Variants in DCUN1D1 observed in about 807,000 individuals in gnomAD.
The protein encoded by DCUN1D1 is defective in cullin neddylation 1 domain containing 1, also known as DCN1-like protein 1.
Under a neutral mutation model 39.0 loss-of-function variants are expected in DCUN1D1, and 3 were observed. The ratio of observed to expected loss-of-function variants is 0.08; its 90% CI spans 0.04 to 0.20. DCUN1D1 has a LOEUF of 0.20. Ranked by LOEUF, DCUN1D1 falls within the 10% of genes least tolerant of loss-of-function variation. The pLI is 1.00. For synonymous variants in DCUN1D1, 82 were observed against 96.3 expected (o/e 0.85, Z 0.87); for missense variants, 158 against 302.4 (o/e 0.52, Z 3.54).
chr3:182,962,538 T>C (rs191797670), intron 3 of DCUN1D1, among the ~76,000 whole-genome samples: 3 of 152,274 alleles, frequency 2.0e-5, no homozygotes, highest in Non-Finnish European at 2.9e-5. Context: ...GGCAGTTTTT[T>C]CACCAGCATC....
Position 182,940,462 on chromosome 3 carries a change from T to C in DCUN1D1, c.*4632A>G, listed in dbSNP as rs980946139. ...TTCAAAGCAGTGCTGCCTTCAGTGA[T>C]TAAGCTGGCATGAATTTCAGTCTGA... On this transcript the variant is annotated 3_prime_UTR_variant, in exon 7 of 7. Coordinates refer to ENST00000292782, the MANE Select transcript of DCUN1D1 (RefSeq NM_020640.4). The C allele has an allele frequency of 6.6e-6, 1 of 152,178 alleles. No homozygotes were observed. The highest frequency in any genetic ancestry group is 1.5e-5 in the Non-Finnish European group (1 of 68,022). The allele number at this position is 152,178 out of a possible 1,614,324, so 9.4% of individuals were successfully genotyped here. A position where few individuals can be genotyped will look rare whatever the true frequency, so the allele number is the denominator to read the frequency against.
chr3:182,961,169 C>CT, intron 4 of DCUN1D1, 57 bp downstream of exon 4: 1 of 1,190,456 alleles, frequency 8.4e-7, no homozygotes, highest in Non-Finnish European at 1.2e-6. Context: ...AAAAACGACA[C>CT]TGTCAATGTA....
intron 4 of DCUN1D1, among the ~76,000 whole-genome samples, chr3:182,948,115 A>G (rs1726511153): frequency 6.6e-6 from 1 of 152,166 alleles, no homozygotes; most frequent in Admixed American, 6.5e-5. Context: ...AAATGTCTCC[A>G]TATATTGCCA....
chr3:182,975,214 T>C (rs1453647821), intron 1 of DCUN1D1, among the ~76,000 whole-genome samples: 3 of 150,928 alleles, frequency 2.0e-5, no homozygotes, highest in African/African-American at 4.9e-5. Context: ...TCCCGCTCTG[T>C]CGCCCAGGCT....
intron 4 of DCUN1D1, among the ~76,000 whole-genome samples, chr3:182,948,470 G>C (rs1726531113): frequency 6.6e-6 from 1 of 151,898 alleles, no homozygotes; most frequent in African/African-American, 2.4e-5. Context: ...TCACACAACA[G>C]AGAACTACGC....
chr3:182,975,741 G>A (rs1287055305), intron 1 of DCUN1D1, among the ~76,000 whole-genome samples: 1 of 150,122 alleles, frequency 6.7e-6, no homozygotes, highest in African/African-American at 2.5e-5. Flanking sequence ...GTAGGTGAGG[G>A]TCAGGGGGAG....
intron 1 of DCUN1D1, among the ~76,000 whole-genome samples, chr3:182,974,333 T>C (rs1728099900): frequency 6.6e-6 from 1 of 152,202 alleles, no homozygotes; most frequent in African/African-American, 2.4e-5. Context: ...AATACCTGGA[T>C]TAGTCATCAT....
chr3:182,940,159 C>T lies in DCUN1D1; in HGVS notation c.*4935G>A, dbSNP rs1051028895. 6.6e-6 allele frequency: 1 copy of T among 152,064 alleles called. No individual in the cohort carries two copies. Among genetic ancestry groups the T allele is most frequent in the African/African-American group, 2.4e-5 (1 of 41,408 alleles). 9.4% of individuals were successfully genotyped at this position (152,064 alleles called of 1,614,324 possible). On this transcript the variant is annotated 3_prime_UTR_variant, in exon 7 of 7. Coordinates refer to ENST00000292782, the MANE Select transcript of DCUN1D1 (RefSeq NM_020640.4). Reference sequence around the variant, plus strand: ...ATTGGTCTTCCCCCAACCTTATGCCCTATAGTATTTCTTTTTGTAAAAATC... The same window carrying T: ...ATTGGTCTTCCCCCAACCTTATGCCTTATAGTATTTCTTTTTGTAAAAATC...
At chr3:182,956,332 C>T (rs575857895) in intron 4 of DCUN1D1, 8 of 247,224 alleles carry the variant, frequency 3.2e-5, no homozygotes, top group Admixed American at 3.1e-4. Flanking sequence ...TCACCCCTCA[C>T]TGGGAGCAGG....
At chr3:182,945,209 G>C in intron 6 of DCUN1D1, 36 bp from the exon 7 acceptor site, 1 of 1,524,318 alleles carries the variant, frequency 6.6e-7, no homozygotes, top group South Asian at 1.2e-5. Flanking sequence ...AAAGAGAAGG[G>C]GGAAAAAAGC....
intron 2 of DCUN1D1, 67 bp from the exon 3 acceptor site, chr3:182,964,116 G>T (rs1443161466): frequency 1.4e-6 from 2 of 1,389,150 alleles, no homozygotes; most frequent in Non-Finnish European, 2.0e-6. Context: ...ACTGAAAAAG[G>T]TAATGCTTTA....
chr3:182,963,085 T>A (rs1727486899), intron 3 of DCUN1D1, among the ~76,000 whole-genome samples: 1 of 152,148 alleles, frequency 6.6e-6, no homozygotes, highest in African/African-American at 2.4e-5. Flanking sequence ...TAGCCCCTGG[T>A]GTGGTTTTTG....
rs926200873 is a variant in DCUN1D1, at chr3:182,980,090, C to A, written c.3+397G>T. 11 of 927,812 alleles carry A rather than the reference C, an allele frequency of 1.2e-5. No individual in the cohort carries two copies. The South Asian group carries it at 4.9e-4, about 42-fold the overall frequency. The allele number at this position is 927,812 out of a possible 1,614,324, so 57.5% of individuals were successfully genotyped here. A position where few individuals can be genotyped will look rare whatever the true frequency, so the allele number is the denominator to read the frequency against. ...AGGCTACTCACCCGGAACCCCAGAC[C>A]CCAGTCCCCGACCAGACACAATGGA... On this transcript the variant is annotated intron_variant, in intron 1 of 6. Transcript: ENST00000292782.
chr3:182,979,819 G>C (rs1466023217), intron 1 of DCUN1D1, among the ~76,000 whole-genome samples: 3 of 151,954 alleles, frequency 2.0e-5, no homozygotes, highest in Non-Finnish European at 4.4e-5. Flanking sequence ...AGTCTCCCAT[G>C]TTTTCAGTAG....
intron 4 of DCUN1D1, among the ~76,000 whole-genome samples, chr3:182,951,999 A>C (rs1174065403): frequency 6.6e-6 from 1 of 152,126 alleles, no homozygotes; most frequent in Non-Finnish European, 1.5e-5. Context: ...CACGTCCAAA[A>C]GAAGGGAATT....
intron 4 of DCUN1D1, among the ~76,000 whole-genome samples, chr3:182,958,733 T>G (rs1293849007): frequency 6.6e-6 from 1 of 152,208 alleles, no homozygotes; most frequent in Non-Finnish European, 1.5e-5. Flanking sequence ...TTCAACATAA[T>G]GCTTTCACAT....
intron 4 of DCUN1D1, among the ~76,000 whole-genome samples, chr3:182,953,336 T>C (rs1726851808): frequency 6.6e-6 from 1 of 152,170 alleles, no homozygotes; most frequent in African/African-American, 2.4e-5. Context: ...AAGGATAAAA[T>C]GTTAATTGTC....
At chr3:182,983,580 G>T (rs916704255), upstream of DCUN1D1, among the ~76,000 whole-genome samples, 4 of 152,116 alleles carry the variant, frequency 2.6e-5, no homozygotes, top group Admixed American at 2.6e-4. Flanking sequence ...GGTTGCGCAT[G>T]CCTGCAATCC....
chr3:182,972,748 C>CA (rs1728006981), intron 1 of DCUN1D1, among the ~76,000 whole-genome samples: 3 of 151,330 alleles, frequency 2.0e-5, no homozygotes, highest in Admixed American at 6.6e-5. Flanking sequence ...TTAACAACAA[C>CA]AAAAAAAAGA....
Sources: gnomAD v4.1 joint callset for allele counts (sites outside exome capture counted in the v4.1 genomes callset) on GRCh38, gnomAD v4.1.1 for gene constraint, MANE v1.5 for transcripts, NCBI Gene and HGNC (gene_info 2026-07-23, HGNC 2026-07-21) for gene names.